The following HCN1 variants were observed in gnomAD, a reference collection of about 807,000 sequenced individuals.
The protein encoded by HCN1 is potassium/sodium hyperpolarization-activated cyclic nucleotide-gated channel 1.
In HCN1, 13 loss-of-function variants were observed where a neutral mutation model predicts 78.9. That is an observed-to-expected ratio of 0.16 (90% CI 0.11 to 0.26). The LOEUF (loss-of-function observed/expected upper bound fraction) is 0.26, where lower values mean the gene tolerates loss of function less well. HCN1 is among the 10% of genes least tolerant of loss of function. The pLI, the probability that HCN1 is intolerant of heterozygous loss-of-function variation, is 1.00. For missense variants in HCN1, 810 were observed against 1,154.3 expected, an observed-to-expected ratio of 0.70 and a Z score of 4.32; for synonymous variants, 552 against 455.5, an observed-to-expected ratio of 1.21 and a Z score of -2.70.
At chr5:45,571,308 G>T (rs555752094) in intron 2 of HCN1, among the ~76,000 whole-genome samples, 12 of 152,116 alleles carry the variant, frequency 7.9e-5, no homozygotes, top group Non-Finnish European at 1.5e-4. Flanking sequence ...TGGGTATGTA[G>T]GGTTAAGTTT....
chr5:45,512,250 T>C (rs1742431319), intron 2 of HCN1, among the ~76,000 whole-genome samples: 1 of 152,090 alleles, frequency 6.6e-6, no homozygotes, highest in South Asian at 2.1e-4. Flanking sequence ...AAAATGCTAT[T>C]TGCTAGGAAC....
At chr5:45,324,669 CA>C (rs1746199995) in intron 5 of HCN1, among the ~76,000 whole-genome samples, 1 of 151,654 alleles carries the variant, frequency 6.6e-6, no homozygotes, top group South Asian at 2.1e-4. Flanking sequence ...CTTGGTTTGA[CA>C]CTTGGAAAAA....
intron 3 of HCN1, among the ~76,000 whole-genome samples, chr5:45,442,259 T>A (rs530551462): frequency 6.6e-6 from 1 of 152,284 alleles, no homozygotes; most frequent in East Asian, 1.9e-4. Context: ...CTGATTTTTC[T>A]TCCCTTTTGT....
chr5:45,274,229 C>T (rs890426795), intron 6 of HCN1, among the ~76,000 whole-genome samples: 5 of 152,088 alleles, frequency 3.3e-5, no homozygotes, highest in Admixed American at 6.6e-5. Flanking sequence ...AGATACATTC[C>T]TAATTGCACA....
At chr5:45,283,837 C>T (rs1745216093) in intron 6 of HCN1, among the ~76,000 whole-genome samples, 2 of 152,122 alleles carry the variant, frequency 1.3e-5, no homozygotes, top group South Asian at 4.1e-4. Flanking sequence ...AAGACACATG[C>T]ATGCGTATGT....
At chr5:45,510,172 T>A (rs1288860903) in intron 2 of HCN1, among the ~76,000 whole-genome samples, 1 of 152,110 alleles carries the variant, frequency 6.6e-6, no homozygotes, top group East Asian at 1.9e-4. Context: ...TAGGAGGTTC[T>A]CCAGAAGCAT....
rs560780516 is a variant in HCN1 at position 45,352,537 on chromosome 5, A to T, written c.1377+563T>A. ...CTTAAAGTATAATAATAATAAAATA[A>T]AATAAAGAAATATGAATAACCAAGA... On this transcript the variant is annotated intron_variant, in intron 5 of 7. Transcript: ENST00000303230. Among the ~76,000 whole-genome samples, 4 of 152,184 alleles carry T rather than the reference A, an allele frequency of 2.6e-5. No homozygotes were observed. In the East Asian group the frequency reaches 7.7e-4, roughly 29 times the overall value.
rs1195280528 is a variant in HCN1, at chr5:45,568,194, T to C, written c.849+76991A>G. Reference sequence around the variant, plus strand: ...GAGTATTTTCTCTTTCTTGAGCAAATGTTACGATCATCAGATTAAAAAATC... The same window carrying C: ...GAGTATTTTCTCTTTCTTGAGCAAACGTTACGATCATCAGATTAAAAAATC... On this transcript the variant is annotated intron_variant, in intron 2 of 7. Transcript: ENST00000303230. Among the ~76,000 whole-genome samples the C allele has an allele frequency of 2.6e-5, 4 of 152,108 alleles. No homozygotes were observed. In the East Asian group the frequency reaches 7.7e-4, roughly 29 times the overall value.
At chr5:45,525,339 T>C (rs1349515046) in intron 2 of HCN1, among the ~76,000 whole-genome samples, 1 of 152,002 alleles carries the variant, frequency 6.6e-6, no homozygotes, top group Non-Finnish European at 1.5e-5. Context: ...TATAGTTTCT[T>C]TGTAAGATAT....
At chr5:45,289,739 C>A (rs1314001550) in intron 6 of HCN1, among the ~76,000 whole-genome samples, 3 of 151,964 alleles carry the variant, frequency 2.0e-5, no homozygotes, top group African/African-American at 7.2e-5. Flanking sequence ...TGTATTAGTT[C>A]ATTTAAAATG....
intron 2 of HCN1, among the ~76,000 whole-genome samples, chr5:45,587,477 C>T (rs1744256374): frequency 6.7e-6 from 1 of 150,166 alleles, no homozygotes; most frequent in Admixed American, 6.7e-5. Flanking sequence ...CATGTTCTCA[C>T]TCACAGGTGG....
At position 45,678,704 on chromosome 5, in the gene HCN1, G is replaced by A. The variant is rs569611157; in HGVS notation, c.425+16965C>T. 1.6e-4 allele frequency among the ~76,000 whole-genome samples: 24 copies of A among 152,070 alleles called. No individual in the cohort carries two copies. In the South Asian group the frequency reaches 5.0e-3, roughly 32 times the overall value. On this transcript the variant is annotated intron_variant, in intron 1 of 7. Coordinates refer to ENST00000303230, the MANE Select transcript of HCN1 (RefSeq NM_021072.4). ...AGGAAATTAAAAGTATTTCTAGGAAGAATGTTTTCATTGGTTCTTGTAGTT... is the reference window on the plus strand; with the variant it reads ...AGGAAATTAAAAGTATTTCTAGGAAAAATGTTTTCATTGGTTCTTGTAGTT...
At chr5:45,457,484 A>G (rs1057347623) in intron 3 of HCN1, among the ~76,000 whole-genome samples, 1 of 152,150 alleles carries the variant, frequency 6.6e-6, no homozygotes, top group African/African-American at 2.4e-5. Context: ...TATTTCTTGA[A>G]TGAAACAAAA....
chr5:45,568,132 T>C (rs1428123521), intron 2 of HCN1, among the ~76,000 whole-genome samples: 1 of 152,118 alleles, frequency 6.6e-6, no homozygotes, highest in Non-Finnish European at 1.5e-5. Flanking sequence ...TAGTCATCAG[T>C]AACATTTGTA....
chr5:45,312,897 G>A (rs1374912156), intron 5 of HCN1, among the ~76,000 whole-genome samples: 1 of 152,198 alleles, frequency 6.6e-6, no homozygotes, highest in Non-Finnish European at 1.5e-5. Context: ...GCCCCTCGCA[G>A]CTCAAGGAGG....
chr5:45,660,534 T>A (rs1745909294), intron 1 of HCN1, among the ~76,000 whole-genome samples: 1 of 151,536 alleles, frequency 6.6e-6, no homozygotes, highest in Admixed American at 6.6e-5. Context: ...TCAAGACCCA[T>A]CAGTGTGCTG....
chr5:45,614,331 CG>C (rs1744901612), intron 2 of HCN1, among the ~76,000 whole-genome samples: 1 of 151,950 alleles, frequency 6.6e-6, no homozygotes, highest in Admixed American at 6.6e-5. Flanking sequence ...AACATAAATC[CG>C]TCATATTAAT....
intron 1 of HCN1, among the ~76,000 whole-genome samples, chr5:45,663,790 T>G (rs1172709355): frequency 6.6e-6 from 1 of 150,824 alleles, no homozygotes; most frequent in African/African-American, 2.4e-5. Flanking sequence ...ATGGCAATCA[T>G]TAAAAAGTCA....
At chr5:45,624,117 T>C (rs1263704627) in intron 2 of HCN1, among the ~76,000 whole-genome samples, 1 of 152,176 alleles carries the variant, frequency 6.6e-6, no homozygotes, top group Non-Finnish European at 1.5e-5. Flanking sequence ...AGTCAGATAA[T>C]GCAGGACCTT....
Sources: gnomAD v4.1 joint callset for allele counts (sites outside exome capture counted in the v4.1 genomes callset) on GRCh38, gnomAD v4.1.1 for gene constraint, MANE v1.5 for transcripts, NCBI Gene and HGNC (gene_info 2026-07-23, HGNC 2026-07-21) for gene names.